Variants in RSPH3 observed in about 807,000 individuals in gnomAD.
RSPH3 encodes radial spoke head protein 3 homolog.
In RSPH3, 21 loss-of-function variants were observed where a neutral mutation model predicts 43.8. The observed-to-expected ratio is 0.48, with a 90% confidence interval of 0.34 to 0.69. The LOEUF is 0.69. Among genes scored for constraint, RSPH3 ranks in the 30% least tolerant of loss-of-function variants. The pLI, the probability that RSPH3 is intolerant of heterozygous loss-of-function variation, is 0.01. For missense variants in RSPH3, 487 were observed against 516.0 expected, an observed-to-expected ratio of 0.94 and a Z score of 0.54; for synonymous variants, 173 against 179.8, an observed-to-expected ratio of 0.96 and a Z score of 0.30.
At chr6:158,972,447 A>C (rs186170527), downstream of RSPH3, among the ~76,000 whole-genome samples, 1 of 152,358 alleles carries the variant, frequency 6.6e-6, no homozygotes, top group East Asian at 1.9e-4. Flanking sequence ...GAGATAAAAT[A>C]TTCATTGAGA....
chr6:158,977,952 C>A, intron 7 of RSPH3, 104 bp from the exon 8 acceptor site: 1 of 978,080 alleles, frequency 1.0e-6, no homozygotes, highest in East Asian at 2.4e-5. Flanking sequence ...TTCACGAAGC[C>A]TCATCTCTTT....
chr6:158,981,617 GT>G (rs1483586294), intron 5 of RSPH3, among the ~76,000 whole-genome samples: 2 of 152,066 alleles, frequency 1.3e-5, no homozygotes, highest in South Asian at 2.1e-4. Flanking sequence ...TTTTGCCACA[GT>G]TTTTTTATAT....
Position 158,982,542 on chromosome 6 carries a change from A to G in RSPH3, c.639T>C (p.Ser213=). The G allele has an allele frequency of 2.5e-6, 4 of 1,613,536 alleles. No homozygotes were observed. The South Asian group carries it at 4.4e-5, about 18-fold the overall frequency. The change falls in exon 5 of 8, where the codon AGT becomes AGC. Residue 213 remains serine (S), a synonymous_variant. Transcript: ENST00000367069. ...SQREYEELRN[S]ERAEVQRLEE... is the part of the protein sequence containing the mutation. The stretch of plus-strand genomic sequence containing the variant: ...CAAGTCGTTGAACTTCAGCACGTTC[A>G]CTATTCCGTAGTTCTTCATACTCAC...
Position 158,986,530 on chromosome 6 carries a change from T to C in RSPH3, c.205-109A>G, listed in dbSNP as rs79116386. The stretch of plus-strand genomic sequence containing the variant: ...AGTAGTATAAAGGCATTTGTCATAA[T>C]GTTTCTTGATTATCAGTAACTTCAT... On this transcript the variant is annotated intron_variant, in intron 2 of 7. Transcript: ENST00000367069. 277 of 798,474 alleles carry C rather than the reference T, an allele frequency of 3.5e-4. No homozygotes were observed. In the East Asian group the frequency reaches 6.5e-3, roughly 19 times the overall value. The allele number at this position is 798,474 out of a possible 1,614,324, so 49.5% of individuals were successfully genotyped here. A position where few individuals can be genotyped will look rare whatever the true frequency, so the allele number is the denominator to read the frequency against.
In RSPH3 at chr6:158,983,613, T is replaced by C. The variant is rs200430170; in HGVS notation, c.492+49A>G. 5.5e-5 allele frequency: 79 copies of C among 1,429,406 alleles called. No individual in the cohort carries two copies. The South Asian group carries it at 8.9e-4, about 16-fold the overall frequency. 88.5% of individuals were successfully genotyped at this position (1,429,406 alleles called of 1,614,324 possible). A position where few individuals can be genotyped will look rare whatever the true frequency, so the allele number is the denominator to read the frequency against. On this transcript the variant is annotated intron_variant, in intron 4 of 7. Transcript: ENST00000367069. ...ATTAAGCATTATCTACACCTAACTT[T>C]ACCTCATTTATAAAGATTATAGAGG... is the stretch of plus-strand genomic sequence containing the variant.
At position 158,977,253 on chromosome 6, in the gene RSPH3, A is replaced by G; in HGVS notation, c.*285T>C. 1 of 348,242 alleles carries G rather than the reference A, an allele frequency of 2.9e-6. No individual in the cohort carries two copies. The highest frequency in any genetic ancestry group is 5.1e-6 in the Non-Finnish European group (1 of 195,568). 21.6% of individuals were successfully genotyped at this position (348,242 alleles called of 1,614,324 possible). ...GCAAAATTAGAAGGGCTAAGGAAAAATATATTTGCTGGTTACATATAATGG... is the reference window on the plus strand; with the variant it reads ...GCAAAATTAGAAGGGCTAAGGAAAAGTATATTTGCTGGTTACATATAATGG... On this transcript the variant is annotated 3_prime_UTR_variant, in exon 8 of 8. Transcript: ENST00000367069.
chr6:158,992,457 G>GTTTT (rs35383020), intron 2 of RSPH3, among the ~76,000 whole-genome samples: 2 of 127,906 alleles, frequency 1.6e-5, no homozygotes, highest in Non-Finnish European at 3.4e-5. Flanking sequence ...TTTTTGTGGG[G>GTTTT]TTTTTTTTTT....
chr6:158,986,003 G>T (rs1005623483), intron 3 of RSPH3, among the ~76,000 whole-genome samples: 2 of 151,672 alleles, frequency 1.3e-5, no homozygotes, highest in Non-Finnish European at 2.9e-5. Context: ...TAGTAGAGAT[G>T]GGGTATTTCA....
In RSPH3 at chr6:158,983,719, T is replaced by C; in HGVS notation, c.435A>G (p.Pro145=). 2 of 1,612,796 alleles carry C rather than the reference T, an allele frequency of 1.2e-6. No homozygotes were observed. Among genetic ancestry groups the C allele is most frequent in the East Asian group, 2.2e-5 (1 of 44,880 alleles). ...TGCCAGTTTTGGCAGGAATAAAGAGTGGTGTTGGTGGTCTGTCCAAAAATG... is the reference window on the plus strand; with the variant it reads ...TGCCAGTTTTGGCAGGAATAAAGAGCGGTGTTGGTGGTCTGTCCAAAAATG... ...TDAFLDRPPT[P]LFIPAKTGKD... Residue 145 remains proline (P), a synonymous_variant, in exon 4 of 8, where the codon CCA becomes CCG. Coordinates refer to ENST00000367069, the MANE Select transcript of RSPH3 (RefSeq NM_031924.8).
At chr6:158,978,144 A>C in intron 7 of RSPH3, 116 bp downstream of exon 7, 1 of 699,352 alleles carries the variant, frequency 1.4e-6, no homozygotes, top group Non-Finnish European at 2.4e-6. Context: ...TATTAATACA[A>C]TTGATATACT....
Position 158,977,638 on chromosome 6 carries a change from C to T in RSPH3, c.1157G>A (p.Arg386Lys). Residue 386 changes from arginine to lysine, a missense_variant, in exon 8 of 8, where the codon AGG (arginine) becomes AAG (lysine). Arg to Lys is a conservative substitution (Grantham distance 26). Coordinates refer to ENST00000367069, the MANE Select transcript of RSPH3 (RefSeq NM_031924.8). ...GYLQRTTYDRRSSQERKFMEE... is the reference protein window; with the variant it reads ...GYLQRTTYDRKSSQERKFMEE... ...CATAAACTTCCTTTCCTGGGATGAC[C>T]TTCTGTCATATGTTGTTCTTTGTAG... is the stretch of plus-strand genomic sequence containing the variant. 1 of 1,614,040 alleles carries T rather than the reference C, an allele frequency of 6.2e-7. No individual in the cohort carries two copies. Among genetic ancestry groups the T allele is most frequent in the Non-Finnish European group, 8.5e-7 (1 of 1,180,000 alleles).
At chr6:158,986,062 C>G (rs572059030) in intron 3 of RSPH3, among the ~76,000 whole-genome samples, 74 of 152,092 alleles carry the variant, frequency 4.9e-4, no homozygotes, top group Non-Finnish European at 9.7e-4. Flanking sequence ...GCGATCTGTC[C>G]GCCTCAGCCT....
chr6:158,976,459 A>C lies in RSPH3; in HGVS notation c.*1079T>G, dbSNP rs1036004526. 4 of 152,224 alleles carry C rather than the reference A, an allele frequency of 2.6e-5. No individual in the cohort carries two copies. The highest frequency in any genetic ancestry group is 9.6e-5 in the African/African-American group (4 of 41,456). The allele number at this position is 152,224 out of a possible 1,614,324, so 9.4% of individuals were successfully genotyped here. On this transcript the variant is annotated 3_prime_UTR_variant, in exon 8 of 8. Transcript: ENST00000367069. The stretch of plus-strand genomic sequence containing the variant: ...CTTGAAAGATCTAAGACATTCTCTT[A>C]AGTGAAAAATAAAATATGTAAATAA...
chr6:158,987,565 G>A (rs4709254), intron 2 of RSPH3, among the ~76,000 whole-genome samples: 17,360 of 151,994 alleles, frequency 0.11, 1,725 homozygotes, highest in East Asian at 0.42. Context: ...TTTGTGTTAA[G>A]TGACTTTATC....
rs1479358136 is a variant in RSPH3, at chr6:158,973,089, A to T, written c.*4449T>A. 1 of 152,254 alleles carries T rather than the reference A, an allele frequency of 6.6e-6. No individual in the cohort carries two copies. The highest frequency in any genetic ancestry group is 1.5e-5 in the Non-Finnish European group (1 of 68,050). The allele number at this position is 152,254 out of a possible 1,614,324, so 9.4% of individuals were successfully genotyped here. A position where few individuals can be genotyped will look rare whatever the true frequency, so the allele number is the denominator to read the frequency against. On this transcript the variant is annotated 3_prime_UTR_variant, in exon 8 of 8. Transcript: ENST00000367069. ...TTAGGCCTAGGCATTACGGTTAAGA[A>T]ATAACAGATGCTAATTAGTTAGTGG...
chr6:158,978,601 C>T (rs1274988119), intron 6 of RSPH3, among the ~76,000 whole-genome samples: 5 of 152,092 alleles, frequency 3.3e-5, no homozygotes, highest in South Asian at 4.2e-4. Context: ...AGTGCGGTGG[C>T]GCGATCTCTG....
Position 158,977,498 on chromosome 6 carries a change from C to T in RSPH3, c.*40G>A. On this transcript the variant is annotated 3_prime_UTR_variant, in exon 8 of 8. Transcript: ENST00000367069. Reference sequence around the variant, plus strand: ...ACATCATTACCTGATTGCTTGCTGACTTGGCTGTTGATTGGTTTCATGACT... The same window carrying T: ...ACATCATTACCTGATTGCTTGCTGATTTGGCTGTTGATTGGTTTCATGACT... 1 of 1,540,964 alleles carries T rather than the reference C, an allele frequency of 6.5e-7. No homozygotes were observed. The highest frequency in any genetic ancestry group is 1.7e-4 in the Middle Eastern group (1 of 5,786).
Position 158,999,773 on chromosome 6 carries a change from G to A in RSPH3, c.-223C>T, listed in dbSNP as rs777464382. ...CAGCACCACAGAGACCAGCTGCGGG[G>A]GCCGCATCGGTTGCCCAGCAACCCA... On this transcript the variant is annotated 5_prime_UTR_variant, in exon 1 of 8. Coordinates refer to ENST00000367069, the MANE Select transcript of RSPH3 (RefSeq NM_031924.8). The A allele has an allele frequency of 8.7e-6, 14 of 1,611,518 alleles. No individual in the cohort carries two copies. Among genetic ancestry groups the A allele is most frequent in the East Asian group, 4.5e-5 (2 of 44,832 alleles).
intron 1 of RSPH3, among the ~76,000 whole-genome samples, chr6:158,998,915 A>C: frequency 6.6e-6 from 1 of 150,388 alleles, no homozygotes; most frequent in Non-Finnish European, 1.5e-5. Context: ...CCACCACCAC[A>C]AAAAACCAAT....
Sources: gnomAD v4.1 joint callset for allele counts (sites outside exome capture counted in the v4.1 genomes callset) on GRCh38, gnomAD v4.1.1 for gene constraint, MANE v1.5 for transcripts, NCBI Gene and HGNC (gene_info 2026-07-23, HGNC 2026-07-21) for gene names.